TBC1D32: variants seen among roughly 807,000 people sequenced by gnomAD.
The protein encoded by TBC1D32 is TBC1 domain family member 32.
In TBC1D32, 151 loss-of-function variants were observed where a neutral mutation model predicts 170.3. The ratio of observed to expected loss-of-function variants is 0.89; its 90% CI spans 0.78 to 1.01. The LOEUF (loss-of-function observed/expected upper bound fraction) is 1.01, where lower values mean the gene tolerates loss of function less well. TBC1D32 is among the 50% of genes least tolerant of loss of function. The pLI is 0.00. For synonymous variants in TBC1D32, 498 were observed against 488.0 expected, an observed-to-expected ratio of 1.02 and a Z score of -0.27; for missense variants, 1,464 against 1,457.1, an observed-to-expected ratio of 1.00 and a Z score of -0.08.
At chr6:121,201,585 G>A (rs1791568414) in intron 22 of TBC1D32, among the ~76,000 whole-genome samples, 1 of 150,880 alleles carries the variant, frequency 6.6e-6, no homozygotes. Context: ...ATGACCCCTG[G>A]AGAGAAAAAA....
Position 121,323,163 on chromosome 6 carries a change from A to G in TBC1D32, c.156-1369T>C, listed in dbSNP as rs967644808. On this transcript the variant is annotated intron_variant, in intron 1 of 31. Coordinates refer to ENST00000398212, the MANE Select transcript of TBC1D32 (RefSeq NM_152730.6). ...ACCCCTTGCCCATCCACTCAATCAT[A>G]TCCATGCAGTCACCAACATGTGTTA... 1.4e-4 allele frequency among the ~76,000 whole-genome samples: 22 copies of G among 152,226 alleles called. No individual in the cohort carries two copies. The South Asian group carries it at 2.7e-3, about 19-fold the overall frequency.
At position 121,255,369 on chromosome 6, in the gene TBC1D32, A is replaced by G. The variant is rs761699296; in HGVS notation, c.1977T>C (p.Gly659=). The change falls in exon 17 of 32, where the codon GGT becomes GGC. Residue 659 remains glycine (G), a synonymous_variant. Transcript: ENST00000398212. ...LSERIPTPVE[G]SDSVSSVSQE... is the part of the protein sequence containing the mutation. ...GGCTTACTGAAGAAACAGAATCAGA[A>G]CCCTCTACTGGAGTAGGAATTCTTT... is the stretch of plus-strand genomic sequence containing the variant. 24 of 1,546,792 alleles carry G rather than the reference A, an allele frequency of 1.6e-5. No homozygotes were observed. The Admixed American group carries it at 2.4e-4, about 16-fold the overall frequency.
chr6:121,294,285 G>A (rs943146517), intron 11 of TBC1D32, among the ~76,000 whole-genome samples: 5 of 152,072 alleles, frequency 3.3e-5, no homozygotes, highest in African/African-American at 1.2e-4. Context: ...ACTGTATATT[G>A]TTGTAATATA....
chr6:121,231,511 T>C (rs1460995810), intron 20 of TBC1D32, among the ~76,000 whole-genome samples: 2 of 152,204 alleles, frequency 1.3e-5, no homozygotes, highest in Non-Finnish European at 2.9e-5. Context: ...TTTCCCATAG[T>C]GGTTATACTA....
intron 22 of TBC1D32, among the ~76,000 whole-genome samples, chr6:121,202,476 G>A (rs1048451598): frequency 1.2e-4 from 18 of 151,242 alleles, no homozygotes; most frequent in East Asian, 3.9e-4. Context: ...GTGATCTAGC[G>A]ATGAGCAGGA....
chr6:121,201,942 T>C (rs1057146668), intron 22 of TBC1D32, among the ~76,000 whole-genome samples: 5 of 150,918 alleles, frequency 3.3e-5, no homozygotes, highest in African/African-American at 1.2e-4. Flanking sequence ...AAAGAGACGG[T>C]TGGGTCACTT....
intron 22 of TBC1D32, among the ~76,000 whole-genome samples, chr6:121,176,656 T>C (rs1292534045): frequency 6.6e-6 from 1 of 151,644 alleles, no homozygotes; most frequent in Non-Finnish European, 1.5e-5. Context: ...TGGAGTGCAG[T>C]GGTGTGATCT....
chr6:121,175,124 C>A (rs1467743277), intron 22 of TBC1D32, among the ~76,000 whole-genome samples: 2 of 151,554 alleles, frequency 1.3e-5, no homozygotes, highest in Non-Finnish European at 1.5e-5. Flanking sequence ...TTAGTTTGAA[C>A]AATAGGGAGG....
At chr6:121,265,511 A>C (rs533812975) in intron 15 of TBC1D32, among the ~76,000 whole-genome samples, 3 of 152,148 alleles carry the variant, frequency 2.0e-5, no homozygotes, top group Admixed American at 6.6e-5. Flanking sequence ...ATTCAATGCT[A>C]TTCCCATCAA....
At chr6:121,128,587 T>A (rs532904041) in intron 25 of TBC1D32, among the ~76,000 whole-genome samples, 1 of 152,312 alleles carries the variant, frequency 6.6e-6, no homozygotes, top group East Asian at 1.9e-4. Flanking sequence ...AAATGACAGA[T>A]CTGGAATTTC....
At chr6:121,133,336 C>A (rs1781650900) in intron 24 of TBC1D32, among the ~76,000 whole-genome samples, 1 of 151,886 alleles carries the variant, frequency 6.6e-6, no homozygotes, top group African/African-American at 2.4e-5. Context: ...CTTTTCAGCC[C>A]AATTTTTATA....
At chr6:121,103,590 G>A (rs986147852) in intron 30 of TBC1D32, among the ~76,000 whole-genome samples, 4 of 113,126 alleles carry the variant, frequency 3.5e-5, no homozygotes, top group Admixed American at 1.1e-4. Context: ...GTTGTAGGGA[G>A]GGGGGAGGGG....
chr6:121,259,952 T>C (rs1387759724), intron 15 of TBC1D32, among the ~76,000 whole-genome samples: 1 of 152,104 alleles, frequency 6.6e-6, no homozygotes, highest in Non-Finnish European at 1.5e-5. Flanking sequence ...ATCACAGGAT[T>C]CAATCGAAGT....
At chr6:121,265,169 C>A (rs892041466) in intron 15 of TBC1D32, among the ~76,000 whole-genome samples, 1 of 152,146 alleles carries the variant, frequency 6.6e-6, no homozygotes, top group Non-Finnish European at 1.5e-5. Flanking sequence ...AAAACCCCAT[C>A]GTGTCAGCCC....
chr6:121,318,273 G>A (rs1189827669), intron 2 of TBC1D32, among the ~76,000 whole-genome samples: 1 of 152,066 alleles, frequency 6.6e-6, no homozygotes, highest in African/African-American at 2.4e-5. Flanking sequence ...CATTAGGAGT[G>A]TGAATTGGAT....
At chr6:121,141,925 A>G (rs1473048352) in intron 24 of TBC1D32, among the ~76,000 whole-genome samples, 1 of 152,226 alleles carries the variant, frequency 6.6e-6, no homozygotes, top group Non-Finnish European at 1.5e-5. Flanking sequence ...AGCAAAAAGC[A>G]AATAACAAGG....
At position 121,256,409 on chromosome 6, in the gene TBC1D32, A is replaced by C; in HGVS notation, c.1734-124T>G. ...CCTCTAACTTTTCTCAGACATGTCA[A>C]TATTCACGTTCCCACCCATGCACAG... is the stretch of plus-strand genomic sequence containing the variant. On this transcript the variant is annotated intron_variant, in intron 15 of 31. Coordinates refer to ENST00000398212, the MANE Select transcript of TBC1D32 (RefSeq NM_152730.6). 4.1e-6 allele frequency: 3 copies of C among 740,284 alleles called. No individual in the cohort carries two copies. The South Asian group carries it at 5.7e-5, about 14-fold the overall frequency. The allele number at this position is 740,284 out of a possible 1,614,324, so 45.9% of individuals were successfully genotyped here.
intron 24 of TBC1D32, among the ~76,000 whole-genome samples, chr6:121,157,020 G>A (rs1583010432): frequency 6.6e-6 from 1 of 152,126 alleles, no homozygotes; most frequent in East Asian, 1.9e-4. Context: ...TACTTATTAG[G>A]TCTACTTCAC....
At chr6:121,088,843 G>A (rs1011068649) in intron 31 of TBC1D32, among the ~76,000 whole-genome samples, 2 of 152,126 alleles carry the variant, frequency 1.3e-5, no homozygotes, top group African/African-American at 2.4e-5. Flanking sequence ...TTTAACAGAG[G>A]CTTAGGTCAT....
Sources: allele counts gnomAD v4.1 joint callset (sites outside exome capture counted in the v4.1 genomes callset), GRCh38; gene constraint gnomAD v4.1.1; transcripts MANE v1.5; gene names NCBI Gene and HGNC (gene_info 2026-07-23, HGNC 2026-07-21).